Variants in FAIM2 observed in about 807,000 individuals in gnomAD.
FAIM2 encodes the protein Fas apoptotic inhibitory molecule 2, also known as protein lifeguard 2.
In FAIM2, 27 loss-of-function variants were observed where a neutral mutation model predicts 47.4. The ratio of observed to expected loss-of-function variants is 0.57; its 90% confidence interval spans 0.42 to 0.78. The LOEUF (loss-of-function observed/expected upper bound fraction) is 0.78. Ranked by LOEUF, FAIM2 falls within the 30% of genes least tolerant of loss-of-function variation. The pLI, the probability that FAIM2 is intolerant of heterozygous loss-of-function variation, is 0.00. For missense variants in FAIM2, 311 were observed against 389.4 expected, an observed-to-expected ratio of 0.80 and a Z score of 1.69; for synonymous variants, 156 against 159.3, an observed-to-expected ratio of 0.98 and a Z score of 0.16.
chr12:49,892,297 C>G (rs945704361), intron 5 of FAIM2, among the ~76,000 whole-genome samples: 2 of 152,144 alleles, frequency 1.3e-5, no homozygotes, highest in South Asian at 2.1e-4. Context: ...AACCTTTCCA[C>G]TGGTACCTCT....
intron 11 of FAIM2, among the ~76,000 whole-genome samples, chr12:49,887,012 T>C (rs1400855595): frequency 6.6e-6 from 1 of 152,112 alleles, no homozygotes; most frequent in Non-Finnish European, 1.5e-5. Context: ...CAAGAAGCCT[T>C]CCCTGATTGC....
chr12:49,900,336 G>T, intron 2 of FAIM2: 2 of 641,334 alleles, frequency 3.1e-6, no homozygotes, highest in Non-Finnish European at 4.5e-6. Flanking sequence ...AAGTGGGAGA[G>T]GGGGAGGGGC....
intron 1 of FAIM2, among the ~76,000 whole-genome samples, chr12:49,903,534 C>T (rs923334955): frequency 2.0e-5 from 3 of 152,204 alleles, no homozygotes; most frequent in African/African-American, 7.2e-5. Context: ...CCTTGTAATG[C>T]TGTAATGCCA....
intron 11 of FAIM2, among the ~76,000 whole-genome samples, chr12:49,880,211 T>C (rs1481010169): frequency 1.3e-5 from 2 of 150,336 alleles, no homozygotes; most frequent in Non-Finnish European, 3.0e-5. Flanking sequence ...TGTGTGTGCA[T>C]GTGTGTATAT....
At chr12:49,899,762 C>T (rs1269458680) in intron 2 of FAIM2, among the ~76,000 whole-genome samples, 1 of 152,214 alleles carries the variant, frequency 6.6e-6, no homozygotes, top group East Asian at 1.9e-4. Flanking sequence ...CTTGTCTATA[C>T]AGTCAGCTCT....
At chr12:49,880,688 GTA>G (rs1946816015) in intron 11 of FAIM2, among the ~76,000 whole-genome samples, 1 of 151,624 alleles carries the variant, frequency 6.6e-6, no homozygotes, top group African/African-American at 2.4e-5. Flanking sequence ...ATGTGCATGT[GTA>G]TGCATGTGAG....
chr12:49,897,009 C>T, intron 5 of FAIM2, 22 bp downstream of exon 5: 1 of 1,602,298 alleles, frequency 6.2e-7, no homozygotes. Context: ...TGGAAGGGGA[C>T]TGGGGACTGA....
chr12:49,887,908 T>TG (rs1485420882), intron 10 of FAIM2, among the ~76,000 whole-genome samples: 3 of 151,768 alleles, frequency 2.0e-5, no homozygotes, highest in Non-Finnish European at 4.4e-5. Context: ...AGGGGTGTGT[T>TG]GGGGGGGCAT....
intron 11 of FAIM2, among the ~76,000 whole-genome samples, chr12:49,878,072 GTT>G (rs1946752713): frequency 6.8e-6 from 1 of 147,126 alleles, no homozygotes; most frequent in African/African-American, 2.5e-5. Flanking sequence ...GTGTATGTGT[GTT>G]TATGTGTGCA....
At chr12:49,873,259 C>A (rs1394361603) in intron 11 of FAIM2, among the ~76,000 whole-genome samples, 1 of 152,122 alleles carries the variant, frequency 6.6e-6, no homozygotes, top group Non-Finnish European at 1.5e-5. Context: ...GTGTCCTCAT[C>A]TACAAAGTGG....
Position 49,870,372 on chromosome 12 carries a change from G to T in FAIM2, c.*132C>A. 1.2e-6 allele frequency: 1 copy of T among 823,936 alleles called. No homozygotes were observed. The highest frequency in any genetic ancestry group is 2.0e-6 in the Non-Finnish European group (1 of 508,998). 51.0% of individuals were successfully genotyped at this position (823,936 alleles called of 1,614,324 possible). ...AAGCGGCAGAGGGCTGGGCTGGGCT[G>T]GGGTAGACAGTGACCTGGCCACAGG... On this transcript the variant is annotated 3_prime_UTR_variant, in exon 12 of 12. Transcript: ENST00000320634.
intron 11 of FAIM2, among the ~76,000 whole-genome samples, chr12:49,878,339 AGTGTATGTGTGTGC>A (rs1946758133): frequency 1.1e-5 from 1 of 91,914 alleles, no homozygotes; most frequent in African/African-American, 4.3e-5. Context: ...TGTGCATGTG[AGTGTATGTGTGTGC>A]ATGTGTGTAT....
intron 11 of FAIM2, among the ~76,000 whole-genome samples, chr12:49,879,707 T>TAA (rs1946789749): frequency 6.9e-6 from 1 of 145,510 alleles, no homozygotes; most frequent in Admixed American, 6.7e-5. Flanking sequence ...TGCATGTGTG[T>TAA]GTGTGTGTAT....
At chr12:49,870,708 T>A (rs1946696536) in intron 11 of FAIM2, 55 bp from the exon 12 acceptor site, 1 of 1,575,532 alleles carries the variant, frequency 6.3e-7, no homozygotes, top group Admixed American at 1.7e-5. Context: ...AGTGTGACAC[T>A]GACTATGGCA....
intron 5 of FAIM2, among the ~76,000 whole-genome samples, chr12:49,893,777 G>T (rs893912740): frequency 6.6e-6 from 1 of 152,188 alleles, no homozygotes; most frequent in Non-Finnish European, 1.5e-5. Context: ...CCTGCTCCGT[G>T]AGGGACAGCA....
In FAIM2 at chr12:49,874,461, C is replaced by A. The variant is rs777716759; in HGVS notation, c.802-3808G>T. ...GGAGGGAGGGAGCATGTGCAGAGGG[C>A]ACAGGTGCCAAAGGCAAACTTCCCC... is the stretch of plus-strand genomic sequence containing the variant. On this transcript the variant is annotated intron_variant, in intron 11 of 11. Transcript: ENST00000320634. This position sits in a 1 kb window ranked among gnomAD's most constrained non-coding sequence, Gnocchi z 4.2. Among the ~76,000 whole-genome samples, 1 of 152,094 alleles carries A rather than the reference C, an allele frequency of 6.6e-6. No individual in the cohort carries two copies. The highest frequency in any genetic ancestry group is 1.5e-5 in the Non-Finnish European group (1 of 68,016).
At position 49,897,677 on chromosome 12, in the gene FAIM2, T is replaced by TTTTTGGG. The variant is rs1330821295; in HGVS notation, c.316-95_316-94insCCCAAAA. 38 of 881,226 alleles carry TTTTTGGG rather than the reference T, an allele frequency of 4.3e-5. No individual in the cohort carries two copies. In the South Asian group the frequency reaches 5.4e-4, roughly 13 times the overall value. 54.6% of individuals were successfully genotyped at this position (881,226 alleles called of 1,614,324 possible). On this transcript the variant is annotated intron_variant, in intron 3 of 11. Transcript: ENST00000320634. ...CAGTCACCTCTCCAGGTCCCCATCC[T>TTTTTGGG]GTGCACTCCACCCTCCTTTTTGGGG...
rs1946690756 is a variant in FAIM2 at position 49,870,026 on chromosome 12, C to T, written c.*478G>A. 6.5e-6 allele frequency: 1 copy of T among 154,198 alleles called. No individual in the cohort carries two copies. Among genetic ancestry groups the T allele is most frequent in the African/African-American group, 2.4e-5 (1 of 41,462 alleles). The allele number at this position is 154,198 out of a possible 1,614,324, so 9.6% of individuals were successfully genotyped here. A position where few individuals can be genotyped will look rare whatever the true frequency, so the allele number is the denominator to read the frequency against. ...ACCTGCCCAGCTGTGTCCCCTACCC[C>T]CTTTCTTACAAAGTGTCAATGCCTG... On this transcript the variant is annotated 3_prime_UTR_variant, in exon 12 of 12. Coordinates refer to ENST00000320634, the MANE Select transcript of FAIM2 (RefSeq NM_012306.4).
chr12:49,883,391 G>A (rs921741413), intron 11 of FAIM2, among the ~76,000 whole-genome samples: 2 of 151,822 alleles, frequency 1.3e-5, no homozygotes, highest in African/African-American at 2.4e-5. Context: ...GATGTGGGGC[G>A]TGATGTAGGG....
Sources: gnomAD v4.1 joint callset for allele counts (sites outside exome capture counted in the v4.1 genomes callset) on GRCh38, gnomAD v4.1.1 for gene constraint, Gnocchi (gnomAD v3.1) non-coding constraint, MANE v1.5 for transcripts, NCBI Gene and HGNC (gene_info 2026-07-23, HGNC 2026-07-21) for gene names.